The following CTNNA2 variants were observed in gnomAD, a reference collection of about 807,000 sequenced individuals.
CTNNA2 encodes catenin alpha-2.
CTNNA2 carries 42 observed loss-of-function variants against 101.0 expected under a neutral mutation model. The observed-to-expected ratio is 0.42, with a 90% CI of 0.32 to 0.54. The LOEUF (loss-of-function observed/expected upper bound fraction) is 0.54. Among genes scored for constraint, CTNNA2 ranks in the 20% least tolerant of loss-of-function variants. The pLI, the probability that CTNNA2 is intolerant of heterozygous loss-of-function variation, is 0.14. For synonymous variants in CTNNA2, 450 were observed against 456.4 expected (o/e 0.99, Z 0.18); for missense variants, 871 against 1,223.1 (o/e 0.71, Z 4.29).
In CTNNA2 at chr2:79,187,781, G is replaced by A. The variant is rs141862264; in HGVS notation, c.-524+2350G>A. On this transcript the variant is annotated intron_variant, in intron 1 of 21. Transcript: ENST00000466387. ...AATAATGCTCAAGAGTTTCAAGTAG[G>A]AAAGACTTTTGTGACTGGTTAGTGG... 4.5e-3 allele frequency among the ~76,000 whole-genome samples: 683 copies of A among 152,266 alleles called. 4 individuals carry two copies. Among genetic ancestry groups the A allele is most frequent in the African/African-American group, 0.016 (661 of 41,584 alleles).
intron 2 of CTNNA2, among the ~76,000 whole-genome samples, chr2:79,719,065 A>T (rs1252779197): frequency 6.6e-6 from 1 of 152,066 alleles, no homozygotes; most frequent in Non-Finnish European, 1.5e-5. Flanking sequence ...CTAGTCGTTT[A>T]CAGCATCTAT....
chr2:79,751,611 A>G (rs1008700263), intron 3 of CTNNA2, among the ~76,000 whole-genome samples: 6 of 145,916 alleles, frequency 4.1e-5, no homozygotes, highest in Admixed American at 6.7e-5. Context: ...AAAAAAAAAA[A>G]AAAAGAAAGA....
At chr2:79,676,395 G>A (rs1044259872) in intron 2 of CTNNA2, among the ~76,000 whole-genome samples, 5 of 152,086 alleles carry the variant, frequency 3.3e-5, no homozygotes, top group Non-Finnish European at 7.4e-5. Flanking sequence ...CCCTGGACTC[G>A]GACACTTACT....
intron 9 of CTNNA2, among the ~76,000 whole-genome samples, chr2:80,498,968 A>G (rs973485191): frequency 3.9e-5 from 6 of 152,176 alleles, no homozygotes; most frequent in African/African-American, 1.4e-4. Flanking sequence ...CATAACCCAG[A>G]TGCACTTAAA....
At chr2:79,341,154 A>G (rs578132015) in intron 3 of CTNNA2, among the ~76,000 whole-genome samples, 4 of 152,302 alleles carry the variant, frequency 2.6e-5, no homozygotes, top group Non-Finnish European at 5.9e-5. Flanking sequence ...TTAGGAACCC[A>G]ACTCAGCTAT....
At chr2:79,202,737 T>TTTGC (rs1384967162) in intron 2 of CTNNA2, among the ~76,000 whole-genome samples, 1 of 151,512 alleles carries the variant, frequency 6.6e-6, no homozygotes. Context: ...CGTTTCTTTG[T>TTTGC]TTGTTTGTTT....
intron 1 of CTNNA2, among the ~76,000 whole-genome samples, chr2:79,597,514 A>G (rs981962033): frequency 1.1e-4 from 17 of 151,938 alleles, no homozygotes; most frequent in Non-Finnish European, 2.5e-4. Flanking sequence ...AGAGTCTCGC[A>G]GATGGAAAAT....
At chr2:79,984,593 G>C (rs1200597847) in intron 7 of CTNNA2, among the ~76,000 whole-genome samples, 1 of 152,148 alleles carries the variant, frequency 6.6e-6, no homozygotes, top group Non-Finnish European at 1.5e-5. Flanking sequence ...AATGCAACCG[G>C]GTTGAGAATG....
chr2:79,231,346 T>G (rs1674490812), intron 2 of CTNNA2, among the ~76,000 whole-genome samples: 1 of 152,094 alleles, frequency 6.6e-6, no homozygotes, highest in African/African-American at 2.4e-5. Flanking sequence ...TTTATCTGGG[T>G]TTTCCACTTT....
At chr2:79,468,985 C>A (rs1312927278) in intron 4 of CTNNA2, among the ~76,000 whole-genome samples, 1 of 152,072 alleles carries the variant, frequency 6.6e-6, no homozygotes, top group Non-Finnish European at 1.5e-5. Flanking sequence ...GAAGCAAGAG[C>A]AAACACATTC....
intron 3 of CTNNA2, among the ~76,000 whole-genome samples, chr2:79,808,660 AT>A (rs1676764923): frequency 6.6e-6 from 1 of 151,936 alleles, no homozygotes; most frequent in Admixed American, 6.6e-5. Flanking sequence ...GGTCACAACA[AT>A]TTTTTTTCCT....
At chr2:79,990,617 AT>A (rs1298001334) in intron 7 of CTNNA2, among the ~76,000 whole-genome samples, 14 of 152,360 alleles carry the variant, frequency 9.2e-5, no homozygotes, top group Middle Eastern at 3.4e-3. Context: ...CTGCCATAAA[AT>A]AAAAGCTTTA....
At chr2:79,336,727 C>T (rs1677002299) in intron 3 of CTNNA2, among the ~76,000 whole-genome samples, 1 of 152,182 alleles carries the variant, frequency 6.6e-6, no homozygotes, top group African/African-American at 2.4e-5. Context: ...GAATCCAGGA[C>T]ACTGGCATTG....
chr2:80,242,824 G>A (rs532984080), intron 7 of CTNNA2, among the ~76,000 whole-genome samples: 150 of 152,300 alleles, frequency 9.8e-4, no homozygotes, highest in South Asian at 1.9e-3. Flanking sequence ...TCTGGGTGGT[G>A]TGTTTTCTTC....
chr2:79,662,396 G>C (rs899899590), intron 2 of CTNNA2, among the ~76,000 whole-genome samples: 1 of 152,124 alleles, frequency 6.6e-6, no homozygotes, highest in Non-Finnish European at 1.5e-5. Flanking sequence ...AGTAATGTCA[G>C]AGAAAAATAA....
intron 9 of CTNNA2, among the ~76,000 whole-genome samples, chr2:80,449,516 G>T (rs1158953403): frequency 3.9e-5 from 6 of 152,130 alleles, no homozygotes; most frequent in Non-Finnish European, 8.8e-5. Flanking sequence ...TACTTAAAAT[G>T]ATTTTTAATG....
chr2:79,990,405 C>G (rs1270336348), intron 7 of CTNNA2, among the ~76,000 whole-genome samples: 1 of 152,110 alleles, frequency 6.6e-6, no homozygotes, highest in Non-Finnish European at 1.5e-5. Context: ...ACAGTGATCA[C>G]AGATATTAGA....
chr2:80,395,037 G>A (rs541625172), intron 8 of CTNNA2, among the ~76,000 whole-genome samples: 11 of 152,046 alleles, frequency 7.2e-5, no homozygotes, highest in Non-Finnish European at 1.5e-4. Flanking sequence ...ATCATGGCAG[G>A]ATTATTATTA....
At chr2:79,220,276 C>A (rs565091336) in intron 2 of CTNNA2, among the ~76,000 whole-genome samples, 4 of 152,082 alleles carry the variant, frequency 2.6e-5, no homozygotes, top group African/African-American at 7.2e-5. Flanking sequence ...ATCTCTTATT[C>A]CAACTAAGTT....
Sources: gnomAD v4.1 joint callset for allele counts (sites outside exome capture counted in the v4.1 genomes callset) on GRCh38, gnomAD v4.1.1 for gene constraint, MANE v1.5 for transcripts, NCBI Gene and HGNC (gene_info 2026-07-23, HGNC 2026-07-21) for gene names.